ANO6: variants seen among roughly 807,000 people sequenced by gnomAD.
ANO6 encodes the protein anoctamin-6.
In ANO6, 106 loss-of-function variants were observed where a neutral mutation model predicts 117.5. That is an observed-to-expected ratio of 0.90 (90% CI 0.77 to 1.06). The LOEUF (loss-of-function observed/expected upper bound fraction) is 1.06. Among genes scored for constraint, ANO6 ranks in the 50% least tolerant of loss-of-function variants. ANO6 has a pLI of 0.00. For missense variants in ANO6, 955 were observed against 1,121.1 expected (o/e 0.85, Z 2.12); for synonymous variants, 367 against 385.1 (o/e 0.95, Z 0.55).
chr12:45,270,858 T>C (rs1938373551), intron 1 of ANO6, among the ~76,000 whole-genome samples: 1 of 152,124 alleles, frequency 6.6e-6, no homozygotes, highest in Non-Finnish European at 1.5e-5. Context: ...TAGCTGGAAT[T>C]ACAGGTGCAT....
At chr12:45,303,538 C>T (rs1485428616) in intron 2 of ANO6, among the ~76,000 whole-genome samples, 1 of 152,192 alleles carries the variant, frequency 6.6e-6, no homozygotes, top group African/African-American at 2.4e-5. Context: ...ACATAGTTCG[C>T]ACCAATTCCC....
intron 8 of ANO6, among the ~76,000 whole-genome samples, chr12:45,360,960 A>G (rs543136431): frequency 6.6e-6 from 1 of 152,352 alleles, no homozygotes; most frequent in East Asian, 1.9e-4. Context: ...TTATGCAAGT[A>G]CCACACTTTA....
intron 16 of ANO6, among the ~76,000 whole-genome samples, chr12:45,416,319 C>A (rs868754775): frequency 1.4e-5 from 2 of 145,212 alleles, no homozygotes; most frequent in Middle Eastern, 3.5e-3. Context: ...CACAATATTT[C>A]TTTTTTCTTA....
chr12:45,429,917 A>C lies in ANO6; in HGVS notation c.*606A>C. The C allele has an allele frequency of 2.0e-6, 2 of 989,660 alleles. No homozygotes were observed. Among genetic ancestry groups the C allele is most frequent in the Non-Finnish European group, 2.4e-6 (2 of 832,614 alleles). 61.3% of individuals were successfully genotyped at this position (989,660 alleles called of 1,614,324 possible). A position where few individuals can be genotyped will look rare whatever the true frequency, so the allele number is the denominator to read the frequency against. On this transcript the variant is annotated 3_prime_UTR_variant, in exon 20 of 20. Transcript: ENST00000320560. ...TGAGCATGTCTTTCCATCTCAAAAA[A>C]ATACTCTTAGTAGGTTGGAGTGAAG...
In ANO6 at chr12:45,216,205, A is replaced by C; in HGVS notation, c.-117A>C. On this transcript the variant is annotated 5_prime_UTR_variant, in exon 1 of 20. Coordinates refer to ENST00000320560, the MANE Select transcript of ANO6 (RefSeq NM_001025356.3). ...CGCTGGCTGGGCTCAGCGGCCCCTG[A>C]GCCCAAGCGACACACGCCCCGCGGT... The C allele has an allele frequency of 8.2e-7, 1 of 1,213,968 alleles. No individual in the cohort carries two copies. Among genetic ancestry groups the C allele is most frequent in the Non-Finnish European group, 1.2e-6 (1 of 848,394 alleles). 75.2% of individuals were successfully genotyped at this position (1,213,968 alleles called of 1,614,324 possible).
chr12:45,270,161 A>G (rs1938347995), intron 1 of ANO6, among the ~76,000 whole-genome samples: 1 of 152,166 alleles, frequency 6.6e-6, no homozygotes, highest in African/African-American at 2.4e-5. Context: ...TCATCTGGAG[A>G]GCTCATGAAA....
At chr12:45,275,217 T>A (rs1382276522) in intron 1 of ANO6, among the ~76,000 whole-genome samples, 1 of 152,132 alleles carries the variant, frequency 6.6e-6, no homozygotes, top group Non-Finnish European at 1.5e-5. Flanking sequence ...TATTTTTTTA[T>A]GTTTATTTTT....
chr12:45,317,340 C>A (rs1940082374), intron 2 of ANO6, among the ~76,000 whole-genome samples: 1 of 122,218 alleles, frequency 8.2e-6, no homozygotes, highest in South Asian at 2.7e-4. Context: ...TCTCATTGTT[C>A]AATTCCCACC....
chr12:45,363,188 G>A lies in ANO6; in HGVS notation c.999-4500G>A, dbSNP rs144915480. On this transcript the variant is annotated intron_variant, in intron 8 of 19. Coordinates refer to ENST00000320560, the MANE Select transcript of ANO6 (RefSeq NM_001025356.3). ...CATCCCAAATCCAAAATGCTCCACT[G>A]AGCATTTTCCTTGAATATTATGTCA... Among the ~76,000 whole-genome samples, 181 of 152,150 alleles carry A rather than the reference G, an allele frequency of 1.2e-3. 1 individual carries two copies. Among genetic ancestry groups the A allele is most frequent in the African/African-American group, 4.1e-3 (172 of 41,502 alleles).
chr12:45,362,871 T>G (rs563149558), intron 8 of ANO6, among the ~76,000 whole-genome samples: 39 of 152,376 alleles, frequency 2.6e-4, no homozygotes, highest in African/African-American at 9.4e-4. Context: ...TAATGCATTA[T>G]AAGCTTACCA....
At chr12:45,365,888 G>C (rs1395201493) in intron 8 of ANO6, among the ~76,000 whole-genome samples, 1 of 152,194 alleles carries the variant, frequency 6.6e-6, no homozygotes, top group African/African-American at 2.4e-5. Context: ...CCAGAGTTCT[G>C]CAAAGGCTGA....
At chr12:45,273,098 A>G (rs1938440571) in intron 1 of ANO6, among the ~76,000 whole-genome samples, 1 of 152,168 alleles carries the variant, frequency 6.6e-6, no homozygotes, top group African/African-American at 2.4e-5. Flanking sequence ...TGTGAAATCT[A>G]AAACAGTCAT....
At chr12:45,389,823 A>G (rs1942394455) in intron 11 of ANO6, among the ~76,000 whole-genome samples, 1 of 152,236 alleles carries the variant, frequency 6.6e-6, no homozygotes, top group Admixed American at 6.5e-5. Flanking sequence ...TATAGAAGCT[A>G]CTTAGAATAG....
chr12:45,229,289 T>C (rs1288158392), intron 1 of ANO6, among the ~76,000 whole-genome samples: 1 of 152,040 alleles, frequency 6.6e-6, no homozygotes, highest in Non-Finnish European at 1.5e-5. Flanking sequence ...GAGGAAGAAA[T>C]GGGCTTCCAC....
intron 19 of ANO6, among the ~76,000 whole-genome samples, chr12:45,438,131 T>C (rs1043256594): frequency 2.6e-5 from 4 of 152,160 alleles, no homozygotes; most frequent in Non-Finnish European, 5.9e-5. Flanking sequence ...TCCTGCCCAA[T>C]GCCCACTGAG....
chr12:45,337,313 A>G (rs1297607489), intron 3 of ANO6, among the ~76,000 whole-genome samples: 1 of 152,066 alleles, frequency 6.6e-6, no homozygotes, highest in Non-Finnish European at 1.5e-5. Flanking sequence ...TTTCTATATT[A>G]AGATACACAA....
In ANO6 at chr12:45,403,469, A is replaced by G. The variant is rs1942850797; in HGVS notation, c.1813A>G (p.Thr605Ala). ...CDPGGCLLEL[T>A]TQLTIIMGGK... Reference sequence around the variant, plus strand: ...CCCAGGTGGCTGTCTTCTTGAACTGACAACTCAGCTGACAATAATCATGGG... The same window carrying G: ...CCCAGGTGGCTGTCTTCTTGAACTGGCAACTCAGCTGACAATAATCATGGG... The change falls in exon 15 of 20, where the codon ACA becomes GCA. Residue 605 changes from threonine (T) to alanine (A), a missense_variant. Thr to Ala is a moderately conservative substitution (Grantham distance 58, BLOSUM62 0). Coordinates refer to ENST00000320560, the MANE Select transcript of ANO6 (RefSeq NM_001025356.3). 1 of 1,613,984 alleles carries G rather than the reference A, an allele frequency of 6.2e-7. No individual in the cohort carries two copies.
At position 45,402,969 on chromosome 12, in the gene ANO6, TTTTAACGTG is replaced by T. The variant is rs141232099; in HGVS notation, c.1613-91_1613-83del. 8.1e-3 allele frequency: 8,831 copies of T among 1,095,710 alleles called. 377 individuals carry two copies. The African/African-American group carries it at 0.11, about 14-fold the overall frequency. 67.9% of individuals were successfully genotyped at this position (1,095,710 alleles called of 1,614,324 possible). The stretch of plus-strand genomic sequence containing the variant: ...AATGGAAACAGTGTGAATTGTATTT[TTTTAACGTG>T]TTTAACGTGTTAACTCATGTATCAG... On this transcript the variant is annotated intron_variant, in intron 13 of 19. Coordinates refer to ENST00000320560, the MANE Select transcript of ANO6 (RefSeq NM_001025356.3).
At chr12:45,332,304 TCTCTCTCA>T (rs1326582473) in intron 3 of ANO6, among the ~76,000 whole-genome samples, 5 of 109,282 alleles carry the variant, frequency 4.6e-5, no homozygotes, top group South Asian at 9.5e-4. Flanking sequence ...TCTCTCTCTC[TCTCTCTCA>T]CACACACACA....
Sources: allele counts gnomAD v4.1 joint callset (sites outside exome capture counted in the v4.1 genomes callset), GRCh38; gene constraint gnomAD v4.1.1; transcripts MANE v1.5; gene names NCBI Gene and HGNC (gene_info 2026-07-23, HGNC 2026-07-21).